The following ERCC6L2 variants were observed in gnomAD, a reference collection of about 807,000 sequenced individuals.
ERCC6L2 encodes ERCC excision repair 6 like 2, also known as DNA excision repair protein ERCC-6-like 2.
A neutral mutation model predicts 132.0 loss-of-function variants in ERCC6L2; 77 were observed. The observed-to-expected ratio is 0.58, with a 90% CI of 0.49 to 0.71. The LOEUF is 0.71. Ranked by LOEUF, ERCC6L2 falls within the 30% of genes least tolerant of loss-of-function variation. ERCC6L2 has a pLI of 0.00. For missense variants in ERCC6L2, 1,542 were observed against 1,837.6 expected (o/e 0.84, Z 2.94); for synonymous variants, 583 against 632.4 (o/e 0.92, Z 1.17).
intron 19 of ERCC6L2, among the ~76,000 whole-genome samples, chr9:96,032,396 C>T (rs1390169527): frequency 6.6e-6 from 1 of 152,224 alleles, no homozygotes; most frequent in Non-Finnish European, 1.5e-5. Context: ...TGCGCCTCAC[C>T]GTCTGTGTCA....
chr9:95,912,037 C>T (rs1429652031), intron 4 of ERCC6L2, among the ~76,000 whole-genome samples: 1 of 152,178 alleles, frequency 6.6e-6, no homozygotes, highest in Non-Finnish European at 1.5e-5. Flanking sequence ...CCTGGCCCAT[C>T]TACTTTGTGC....
At chr9:96,020,501 G>T, downstream of ERCC6L2, 1 of 331,684 alleles carries the variant, frequency 3.0e-6, no homozygotes, top group Non-Finnish European at 5.9e-6. Context: ...GCCCAGGTAG[G>T]GGCGCCGCTC....
chr9:95,887,676 C>A (rs963996942), intron 2 of ERCC6L2, among the ~76,000 whole-genome samples: 1 of 151,968 alleles, frequency 6.6e-6, no homozygotes, highest in African/African-American at 2.4e-5. Flanking sequence ...GTATAGTAAA[C>A]CTCACTCTTG....
At chr9:95,904,347 C>T (rs2132643705) in intron 3 of ERCC6L2, among the ~76,000 whole-genome samples, 1 of 152,172 alleles carries the variant, frequency 6.6e-6, no homozygotes, top group Non-Finnish European at 1.5e-5. Flanking sequence ...TGTATGGTTT[C>T]ATGTATTCAT....
In ERCC6L2 at chr9:96,015,015, G is replaced by GTTTTTTGTTTT. The variant is rs1834150204; in HGVS notation, c.*1818_*1819insGTTTTTTTTTT. Reference sequence around the variant, plus strand: ...GCTCTATAGTCTTCATATATGTACAGTTTTTTTTTTTTTTTTTTTTTTTTT... The same window carrying GTTTTTTGTTTT: ...GCTCTATAGTCTTCATATATGTACAGTTTTTTGTTTTTTTTTTTTTTTTTTTTTTTTTTTTT... On this transcript the variant is annotated 3_prime_UTR_variant, in exon 19 of 19. Transcript: ENST00000653738. Among the ~76,000 whole-genome samples, 4 of 65,424 alleles carry GTTTTTTGTTTT rather than the reference G, an allele frequency of 6.1e-5. No individual in the cohort carries two copies. The highest frequency in any genetic ancestry group is 1.1e-4 in the Non-Finnish European group (4 of 37,996). 42.9% of individuals were successfully genotyped at this position (65,424 alleles called of 152,430 possible).
At chr9:95,964,225 T>C (rs1345153087) in intron 13 of ERCC6L2, among the ~76,000 whole-genome samples, 2 of 152,212 alleles carry the variant, frequency 1.3e-5, no homozygotes, top group African/African-American at 4.8e-5. Flanking sequence ...TGTGGTCTCA[T>C]GGCTTCCTAT....
rs368535257 is a variant in ERCC6L2 at position 95,975,325 on chromosome 9, C to T, written c.3337+2237C>T. 4.6e-5 allele frequency among the ~76,000 whole-genome samples: 7 copies of T among 151,784 alleles called. No homozygotes were observed. In the South Asian group the frequency reaches 1.5e-3, roughly 32 times the overall value. On this transcript the variant is annotated intron_variant, in intron 16 of 18. Transcript: ENST00000653738. ...AAGAAGTGTTCATGAGAATAATATT[C>T]CCTGAGATTCTTGCAGTAACAGTTT...
rs1834198320 is a variant in ERCC6L2, at chr9:96,017,116, T to G, written c.*3913T>G. ...TCCATCATCACGGATACAGACTTGT[T>G]TCTGGTTTCATCTTCCACCAGAGAT... is the stretch of plus-strand genomic sequence containing the variant. On this transcript the variant is annotated 3_prime_UTR_variant, in exon 19 of 19. Coordinates refer to ENST00000653738, the MANE Select transcript of ERCC6L2 (RefSeq NM_020207.7). Among the ~76,000 whole-genome samples, 1 of 152,184 alleles carries G rather than the reference T, an allele frequency of 6.6e-6. No homozygotes were observed. Among genetic ancestry groups the G allele is most frequent in the South Asian group, 2.1e-4 (1 of 4,820 alleles).
At chr9:95,952,771 C>T (rs1362052078) in intron 12 of ERCC6L2, among the ~76,000 whole-genome samples, 2 of 151,304 alleles carry the variant, frequency 1.3e-5, no homozygotes, top group African/African-American at 4.9e-5. Context: ...GCCTGGGAGA[C>T]GAAGGTTGCA....
chr9:95,894,301 A>G (rs1281786581), intron 2 of ERCC6L2, among the ~76,000 whole-genome samples: 2 of 152,216 alleles, frequency 1.3e-5, no homozygotes, highest in East Asian at 1.9e-4. Context: ...TTGAGCTATC[A>G]TAAGTTGGGG....
At chr9:95,921,374 G>C (rs1214499080) in intron 7 of ERCC6L2, 59 bp downstream of exon 7, 1 of 1,377,128 alleles carries the variant, frequency 7.3e-7, no homozygotes. Context: ...CTCTCTTCTA[G>C]TGTAAAAGAA....
chr9:95,949,098 A>G (rs1053085509), intron 12 of ERCC6L2, among the ~76,000 whole-genome samples: 1 of 152,176 alleles, frequency 6.6e-6, no homozygotes, highest in African/African-American at 2.4e-5. Flanking sequence ...GGAATTGAAA[A>G]ATTCACTAGA....
intron 17 of ERCC6L2, among the ~76,000 whole-genome samples, chr9:96,002,988 T>TA (rs1833742212): frequency 6.6e-6 from 1 of 152,204 alleles, no homozygotes; most frequent in Non-Finnish European, 1.5e-5. Flanking sequence ...CTATTTTTTT[T>TA]AATCTCTGCA....
chr9:96,000,738 C>G (rs1373675741), intron 17 of ERCC6L2, among the ~76,000 whole-genome samples: 3 of 152,144 alleles, frequency 2.0e-5, no homozygotes, highest in Non-Finnish European at 4.4e-5. Context: ...GGTCTTGCAG[C>G]ATTACCTATG....
chr9:95,901,557 AG>A (rs1288600844), intron 3 of ERCC6L2, among the ~76,000 whole-genome samples: 1 of 151,974 alleles, frequency 6.6e-6, no homozygotes, highest in Non-Finnish European at 1.5e-5. Context: ...TGTTGTTTTT[AG>A]GTTCCTTCTA....
chr9:95,996,395 G>C (rs552675114), intron 17 of ERCC6L2, among the ~76,000 whole-genome samples: 1 of 152,356 alleles, frequency 6.6e-6, no homozygotes, highest in South Asian at 2.1e-4. Context: ...TGATGTAGAA[G>C]CTGCAGCAAG....
chr9:96,003,652 T>A (rs763756141), intron 17 of ERCC6L2, among the ~76,000 whole-genome samples: 47 of 152,152 alleles, frequency 3.1e-4, no homozygotes, highest in Non-Finnish European at 5.0e-4. Flanking sequence ...TGGTGCTATA[T>A]TCCACATGGG....
At chr9:95,917,252 T>G (rs117764292) in intron 6 of ERCC6L2, among the ~76,000 whole-genome samples, 3 of 152,340 alleles carry the variant, frequency 2.0e-5, no homozygotes, top group Non-Finnish European at 2.9e-5. Flanking sequence ...GTTAAATTGT[T>G]CAAGAAAATA....
At chr9:95,917,815 A>AATGG (rs1199997760) in intron 6 of ERCC6L2, among the ~76,000 whole-genome samples, 1 of 152,130 alleles carries the variant, frequency 6.6e-6, no homozygotes, top group Non-Finnish European at 1.5e-5. Flanking sequence ...TCCTCTGTTA[A>AATGG]ATGGTAGTGA....
Sources: gnomAD v4.1 joint callset for allele counts (sites outside exome capture counted in the v4.1 genomes callset) on GRCh38, gnomAD v4.1.1 for gene constraint, MANE v1.5 for transcripts, NCBI Gene and HGNC (gene_info 2026-07-23, HGNC 2026-07-21) for gene names.